AP1S3: variants seen among roughly 807,000 people sequenced by gnomAD.
The protein encoded by AP1S3 is adaptor related protein complex 1 subunit sigma 3.
In AP1S3, 10 loss-of-function variants were observed where a neutral mutation model predicts 20.9. That is an observed-to-expected ratio of 0.48 (90% CI 0.29 to 0.81). The LOEUF is 0.81. Among genes scored for constraint, AP1S3 ranks in the 30% least tolerant of loss-of-function variants. The probability of loss-of-function intolerance (pLI) is 0.08; values close to 1 mark genes in which losing one functional copy is unlikely to be tolerated. For missense variants in AP1S3, 154 were observed against 183.8 expected, an observed-to-expected ratio of 0.84 and a Z score of 0.94; for synonymous variants, 41 against 61.5, an observed-to-expected ratio of 0.67 and a Z score of 1.56.
Position 223,758,543 on chromosome 2 carries a change from C to T in AP1S3, c.*172G>A. ...ACATAATTTTTTTTAATAATACAGA[C>T]ACATAGTAATTATAAATATGTTAAA... On this transcript the variant is annotated 3_prime_UTR_variant, in exon 5 of 5. Coordinates refer to ENST00000396654, the MANE Select transcript of AP1S3 (RefSeq NM_001039569.2). 1 of 1,330,266 alleles carries T rather than the reference C, an allele frequency of 7.5e-7. No homozygotes were observed. The highest frequency in any genetic ancestry group is 9.6e-7 in the Non-Finnish European group (1 of 1,040,830). 82.4% of individuals were successfully genotyped at this position (1,330,266 alleles called of 1,614,324 possible). A position where few individuals can be genotyped will look rare whatever the true frequency, so the allele number is the denominator to read the frequency against.
At chr2:223,767,016 G>A (rs1574686844) in intron 3 of AP1S3, among the ~76,000 whole-genome samples, 2 of 151,750 alleles carry the variant, frequency 1.3e-5, no homozygotes, top group African/African-American at 2.4e-5. Flanking sequence ...AGAACACATG[G>A]ACACAGGGAG....
chr2:223,793,556 G>A (rs1691257991), intron 1 of AP1S3, among the ~76,000 whole-genome samples: 2 of 152,050 alleles, frequency 1.3e-5, no homozygotes, highest in East Asian at 1.9e-4. Context: ...GGAACAGTGG[G>A]GAGTGGAGGG....
At chr2:223,776,412 G>T (rs545853246) in intron 2 of AP1S3, among the ~76,000 whole-genome samples, 1 of 152,312 alleles carries the variant, frequency 6.6e-6, no homozygotes, top group East Asian at 1.9e-4. Flanking sequence ...ATGGGCTTCA[G>T]TCATTCTGTG....
chr2:223,808,019 A>G (rs1559140884), intron 1 of AP1S3, among the ~76,000 whole-genome samples: 2 of 151,666 alleles, frequency 1.3e-5, no homozygotes, highest in African/African-American at 4.8e-5. Flanking sequence ...CCTCCTCAGT[A>G]GCTGGGACTC....
chr2:223,784,102 C>A (rs764495399), intron 1 of AP1S3, among the ~76,000 whole-genome samples: 1 of 152,158 alleles, frequency 6.6e-6, no homozygotes, highest in Non-Finnish European at 1.5e-5. Flanking sequence ...ATATGAAGGT[C>A]TCCAGGCACC....
intron 3 of AP1S3, among the ~76,000 whole-genome samples, chr2:223,771,549 G>A (rs1037422693): frequency 2.0e-5 from 3 of 151,954 alleles, no homozygotes; most frequent in South Asian, 2.1e-4. Context: ...CTTTCAAATG[G>A]TAGAAACTAT....
chr2:223,811,525 T>C (rs1691727175), intron 1 of AP1S3, among the ~76,000 whole-genome samples: 1 of 149,454 alleles, frequency 6.7e-6, no homozygotes, highest in Non-Finnish European at 1.5e-5. Flanking sequence ...GCAGAGATCA[T>C]GCCACTGCAC....
intron 1 of AP1S3, among the ~76,000 whole-genome samples, chr2:223,833,692 G>C (rs2106044986): frequency 6.6e-6 from 1 of 152,308 alleles, no homozygotes; most frequent in South Asian, 2.1e-4. Context: ...AAAGGTCTCA[G>C]AGCAGCTGGG....
chr2:223,775,673 T>A (rs969883572), intron 3 of AP1S3, among the ~76,000 whole-genome samples: 2 of 152,146 alleles, frequency 1.3e-5, no homozygotes, highest in Non-Finnish European at 2.9e-5. Context: ...GGACTCCATA[T>A]CTATTTAAAA....
chr2:223,817,997 TC>T (rs1458594285), intron 1 of AP1S3, among the ~76,000 whole-genome samples: 1 of 152,046 alleles, frequency 6.6e-6, no homozygotes, highest in East Asian at 1.9e-4. Context: ...AATCCACAAA[TC>T]TAGGCAATGT....
intron 1 of AP1S3, among the ~76,000 whole-genome samples, chr2:223,813,318 G>A (rs187373279): frequency 7.2e-5 from 11 of 152,126 alleles, no homozygotes; most frequent in Admixed American, 5.2e-4. Flanking sequence ...TGAAATTTAC[G>A]CCTGGAGATG....
chr2:223,763,971 T>C, intron 4 of AP1S3, among the ~76,000 whole-genome samples: 1 of 152,240 alleles, frequency 6.6e-6, no homozygotes, highest in East Asian at 1.9e-4. Context: ...ACCCAGGTGG[T>C]GCTGTGGTGC....
At chr2:223,780,341 AGAGAGAGAGAGAGAGAGTGTGTGTGTGT>A (rs1690907541) in intron 1 of AP1S3, among the ~76,000 whole-genome samples, 5 of 121,796 alleles carry the variant, frequency 4.1e-5, no homozygotes, top group African/African-American at 1.8e-4. Flanking sequence ...AGAGAGAGAG[AGAGAGAGAGAGAGAGAGTGTGTGTGTGT>A]GTGTGTGTGT....
intron 1 of AP1S3, among the ~76,000 whole-genome samples, chr2:223,823,865 C>T (rs1191607871): frequency 6.6e-6 from 1 of 152,084 alleles, no homozygotes; most frequent in Non-Finnish European, 1.5e-5. Flanking sequence ...TAAATTTATA[C>T]AATTTTTATG....
intron 1 of AP1S3, among the ~76,000 whole-genome samples, chr2:223,836,163 T>C (rs746901897): frequency 2.6e-5 from 4 of 152,136 alleles, no homozygotes; most frequent in African/African-American, 7.2e-5. Flanking sequence ...GCCCACCCAC[T>C]CCTGCCTCCG....
Position 223,775,806 on chromosome 2 carries a change from T to C in AP1S3, c.291+95A>G, listed in dbSNP as rs1574693858. The C allele has an allele frequency of 1.0e-5, 9 of 882,982 alleles. No individual in the cohort carries two copies. The East Asian group carries it at 1.8e-4, about 18-fold the overall frequency. 54.7% of individuals were successfully genotyped at this position (882,982 alleles called of 1,614,324 possible). A position where few individuals can be genotyped will look rare whatever the true frequency, so the allele number is the denominator to read the frequency against. ...GTTCAAGTTCAATTCATATTTTAGA[T>C]GTGACAGAGAGAAGGGATGTGACCA... On this transcript the variant is annotated intron_variant, in intron 3 of 4. Coordinates refer to ENST00000396654, the MANE Select transcript of AP1S3 (RefSeq NM_001039569.2).
At position 223,831,933 on chromosome 2, in the gene AP1S3, T is replaced by A. The variant is rs528520160; in HGVS notation, c.3+5515A>T. On this transcript the variant is annotated intron_variant, in intron 1 of 4. Transcript: ENST00000396654. ...CCATTAAAAATACAAAAAAATTAGC[T>A]GGGCATGGTGGCGGGAGCCTGTAGT... Among the ~76,000 whole-genome samples the A allele has an allele frequency of 2.0e-5, 3 of 151,980 alleles. No homozygotes were observed. The South Asian group carries it at 6.3e-4, about 32-fold the overall frequency.
intron 2 of AP1S3, among the ~76,000 whole-genome samples, chr2:223,776,853 T>C (rs192059223): frequency 6.6e-6 from 1 of 152,190 alleles, no homozygotes; most frequent in South Asian, 2.1e-4. Flanking sequence ...ACTCAATTAC[T>C]GTGACTGGGA....
chr2:223,774,564 G>T (rs1214972504), intron 3 of AP1S3, among the ~76,000 whole-genome samples: 1 of 151,972 alleles, frequency 6.6e-6, no homozygotes, highest in African/African-American at 2.4e-5. Flanking sequence ...TAAGGAAGAT[G>T]GTAACTAATA....
Sources: gnomAD v4.1 joint callset for allele counts (sites outside exome capture counted in the v4.1 genomes callset) on GRCh38, gnomAD v4.1.1 for gene constraint, MANE v1.5 for transcripts, NCBI Gene and HGNC (gene_info 2026-07-23, HGNC 2026-07-21) for gene names.